RHAG: variants seen among roughly 807,000 people sequenced by gnomAD.
The protein encoded by RHAG is Rh associated glycoprotein, also known as ammonium transporter Rh type A.
Under a neutral mutation model 42.4 loss-of-function variants are expected in RHAG, and 25 were observed. That is an observed-to-expected ratio of 0.59 (90% confidence interval 0.43 to 0.82). The LOEUF is 0.82. Ranked by LOEUF, RHAG falls within the 40% of genes least tolerant of loss-of-function variation. The probability of loss-of-function intolerance (pLI) is 0.00; values close to 1 mark genes in which losing one functional copy is unlikely to be tolerated. For synonymous variants in RHAG, 182 were observed against 177.7 expected (o/e 1.02, Z -0.19); for missense variants, 483 against 504.6 (o/e 0.96, Z 0.41).
At chr6:49,621,832 C>T (rs1762763348) in intron 1 of RHAG, among the ~76,000 whole-genome samples, 1 of 151,988 alleles carries the variant, frequency 6.6e-6, no homozygotes, top group African/African-American at 2.4e-5. Flanking sequence ...TGTCTTAGCT[C>T]TACAATTTAT....
chr6:49,629,281 G>T (rs540803753), intron 1 of RHAG, among the ~76,000 whole-genome samples: 1 of 151,896 alleles, frequency 6.6e-6, no homozygotes, highest in Admixed American at 6.6e-5. Context: ...TAGACATAAA[G>T]GTTCTCCAAA....
intron 9 of RHAG, among the ~76,000 whole-genome samples, chr6:49,606,442 C>T (rs1322514665): frequency 6.6e-6 from 1 of 151,988 alleles, no homozygotes; most frequent in Non-Finnish European, 1.5e-5. Flanking sequence ...GTCTTTCTGT[C>T]TGTCTTTCTT....
Position 49,618,184 on chromosome 6 carries a change from G to T in RHAG, c.376C>A (p.Leu126Met), listed in dbSNP as rs563180560. Residue 126 changes from leucine to methionine, a missense_variant, in exon 3 of 10, where the codon CTG becomes ATG. Leu to Met is a conservative substitution (Grantham distance 15). Coordinates refer to ENST00000371175, the MANE Select transcript of RHAG (RefSeq NM_000324.3). The stretch of plus-strand genomic sequence containing the variant: ...CCCAGGACAGCTCCAAAAGATATCA[G>T]AACTGTGGCTGCACTGAAGTCTGCA... ...INADFSAATV[L>M]ISFGAVLGKT... is the part of the protein sequence containing the mutation. The T allele has an allele frequency of 1.1e-4, 170 of 1,614,150 alleles. 1 individual carries two copies. The South Asian group carries it at 1.7e-3, about 16-fold the overall frequency.
chr6:49,630,260 T>C (rs999206184), intron 1 of RHAG, among the ~76,000 whole-genome samples: 1 of 152,262 alleles, frequency 6.6e-6, no homozygotes, highest in Non-Finnish European at 1.5e-5. Context: ...TGTGCTCATT[T>C]GTCAGTTATT....
Position 49,614,686 on chromosome 6 carries a change from C to T in RHAG, c.807+1G>A. The stretch of plus-strand genomic sequence containing the variant: ...TCCATGAGGGCTAAGGCGGCACTTA[C>T]CATGTTGAGCTTGCCTCGGTGCTCC... On this transcript the variant is annotated splice_donor_variant, in intron 5 of 9. Coordinates refer to ENST00000371175, the MANE Select transcript of RHAG (RefSeq NM_000324.3). LOFTEE classifies it high-confidence loss of function. 1 of 1,613,500 alleles carries T rather than the reference C, an allele frequency of 6.2e-7. No individual in the cohort carries two copies. The highest frequency in any genetic ancestry group is 8.5e-7 in the Non-Finnish European group (1 of 1,179,976).
rs538075487 is a variant in RHAG, at chr6:49,621,519, A to C, written c.158-2157T>G. Among the ~76,000 whole-genome samples, 6 of 152,236 alleles carry C rather than the reference A, an allele frequency of 3.9e-5. 1 individual carries two copies. The East Asian group carries it at 1.2e-3, about 29-fold the overall frequency. On this transcript the variant is annotated intron_variant, in intron 1 of 9. Transcript: ENST00000371175. Reference sequence around the variant, plus strand: ...TCCTTAAGGTGTTGATTCCCATCCCATACCTACCCAGGGTACCCTAGAACT... The same window carrying C: ...TCCTTAAGGTGTTGATTCCCATCCCCTACCTACCCAGGGTACCCTAGAACT...
intron 1 of RHAG, among the ~76,000 whole-genome samples, chr6:49,633,103 C>T (rs554834125): frequency 1.8e-4 from 27 of 152,226 alleles, no homozygotes; most frequent in Non-Finnish European, 2.9e-4. Flanking sequence ...TAAAAAAGCA[C>T]GACAGAATAC....
chr6:49,617,973 C>T, intron 3 of RHAG, 95 bp downstream of exon 3: 1 of 1,110,174 alleles, frequency 9.0e-7, no homozygotes, highest in East Asian at 2.5e-5. Context: ...TCACTCTCAC[C>T]AAGATTTGCT....
rs1387229658 is a variant in RHAG, at chr6:49,615,094, C to A, written c.641-241G>T. Reference sequence around the variant, plus strand: ...TCCTGAGTAGCTGGGATTACAGGTGCGGGCTACCATGTCCACCTAACTTTT... The same window carrying A: ...TCCTGAGTAGCTGGGATTACAGGTGAGGGCTACCATGTCCACCTAACTTTT... On this transcript the variant is annotated intron_variant, in intron 4 of 9. Coordinates refer to ENST00000371175, the MANE Select transcript of RHAG (RefSeq NM_000324.3). 4 of 466,264 alleles carry A rather than the reference C, an allele frequency of 8.6e-6. No individual in the cohort carries two copies. The East Asian group carries it at 1.6e-4, about 19-fold the overall frequency. The allele number at this position is 466,264 out of a possible 1,614,324, so 28.9% of individuals were successfully genotyped here.
Position 49,636,788 on chromosome 6 carries a change from C to A in RHAG, c.25G>T (p.Ala9Ser), listed in dbSNP as rs530515402. MRFTFPLM[A>S]IVLEIAMIVL... The stretch of plus-strand genomic sequence containing the variant: ...ATCATGGCAATTTCCAGGACTATAG[C>A]CATGAGAGGGAATGTGAACCTCATG... Residue 9 changes from alanine (A) to serine (S), a missense_variant, in exon 1 of 10, where the codon GCT becomes TCT. Physicochemically the swap from Ala to Ser is moderately conservative, Grantham distance 99. Transcript: ENST00000371175. 3 of 1,613,814 alleles carry A rather than the reference C, an allele frequency of 1.9e-6. No homozygotes were observed. In the Admixed American group the frequency reaches 5.0e-5, roughly 27 times the overall value.
intron 6 of RHAG, among the ~76,000 whole-genome samples, 192 bp from the exon 7 acceptor site, chr6:49,611,337 A>G (rs1046760302): frequency 3.9e-5 from 6 of 152,240 alleles, no homozygotes; most frequent in Non-Finnish European, 8.8e-5. Flanking sequence ...TATAGTGAAG[A>G]ATATTAACGT....
intron 4 of RHAG, 102 bp downstream of exon 4, chr6:49,615,522 G>C: frequency 7.5e-7 from 1 of 1,339,698 alleles, no homozygotes; most frequent in Non-Finnish European, 1.1e-6. Flanking sequence ...TACCATGCCT[G>C]GCTTGGATGT....
Position 49,626,653 on chromosome 6 carries a change from A to G in RHAG, c.158-7291T>C, listed in dbSNP as rs150364662. On this transcript the variant is annotated intron_variant, in intron 1 of 9. Coordinates refer to ENST00000371175, the MANE Select transcript of RHAG (RefSeq NM_000324.3). The stretch of plus-strand genomic sequence containing the variant: ...GTGGCCCTCTTCTCAGCTCCACTAC[A>G]CAGTGCTTTAGTAGTGACTCTGTGT... 4.7e-3 allele frequency among the ~76,000 whole-genome samples: 717 copies of G among 152,186 alleles called. 19 individuals carry two copies. The highest frequency in any genetic ancestry group is 0.043 in the Admixed American group (657 of 15,290).
intron 7 of RHAG, 61 bp downstream of exon 7, chr6:49,610,963 C>T (rs1762560710): frequency 1.9e-6 from 3 of 1,605,376 alleles, no homozygotes; most frequent in East Asian, 4.5e-5. Context: ...TCTCCCATTT[C>T]TCAGAGTGAG....
At chr6:49,622,664 T>C (rs1205017447) in intron 1 of RHAG, among the ~76,000 whole-genome samples, 1 of 152,076 alleles carries the variant, frequency 6.6e-6, no homozygotes, top group African/African-American at 2.4e-5. Flanking sequence ...AATAAACTTC[T>C]TTCGTTCGTA....
intron 2 of RHAG, among the ~76,000 whole-genome samples, chr6:49,618,438 C>A (rs147926701): frequency 6.6e-6 from 1 of 152,076 alleles, no homozygotes; most frequent in African/African-American, 2.4e-5. Context: ...CCTTTATATT[C>A]TTTGATCTAA....
At chr6:49,609,820 T>C (rs140591193) in intron 7 of RHAG, among the ~76,000 whole-genome samples, 83 of 152,346 alleles carry the variant, frequency 5.4e-4, no homozygotes, top group Non-Finnish European at 1.1e-3. Flanking sequence ...CAGACATTTC[T>C]AGACACACAT....
chr6:49,613,529 A>G (rs1192251166), intron 5 of RHAG, among the ~76,000 whole-genome samples: 1 of 152,104 alleles, frequency 6.6e-6, no homozygotes, highest in Non-Finnish European at 1.5e-5. Context: ...CAATTTGTGG[A>G]GAAATAAGAT....
intron 1 of RHAG, among the ~76,000 whole-genome samples, chr6:49,620,185 G>A (rs2127354179): frequency 6.6e-6 from 1 of 152,254 alleles, no homozygotes; most frequent in Non-Finnish European, 1.5e-5. Flanking sequence ...GTGACCCTGG[G>A]CAAGTCACTT....
Sources: allele counts gnomAD v4.1 joint callset (sites outside exome capture counted in the v4.1 genomes callset), GRCh38; gene constraint gnomAD v4.1.1; transcripts MANE v1.5; gene names NCBI Gene and HGNC (gene_info 2026-07-23, HGNC 2026-07-21).